Variants in RCAN2 observed in about 807,000 individuals in gnomAD.
RCAN2 encodes the protein calcipressin-2.
In RCAN2, 9 loss-of-function variants were observed where a neutral mutation model predicts 23.6. The ratio of observed to expected loss-of-function variants is 0.38; its 90% CI spans 0.23 to 0.67. The LOEUF is 0.67. Ranked by LOEUF, RCAN2 falls within the 30% of genes least tolerant of loss-of-function variation. The probability of loss-of-function intolerance (pLI) is 0.51; values close to 1 mark genes in which losing one functional copy is unlikely to be tolerated. For synonymous variants in RCAN2, 109 were observed against 115.7 expected, an observed-to-expected ratio of 0.94 and a Z score of 0.37; for missense variants, 273 against 302.3, an observed-to-expected ratio of 0.90 and a Z score of 0.72.
chr6:46,252,498 T>C (rs919488565), intron 2 of RCAN2, among the ~76,000 whole-genome samples: 1 of 152,232 alleles, frequency 6.6e-6, no homozygotes, highest in East Asian at 1.9e-4. Context: ...TTAATAATTA[T>C]TGAGGATCCT....
intron 2 of RCAN2, among the ~76,000 whole-genome samples, chr6:46,431,204 A>T (rs377700690): frequency 0.027 from 3,895 of 144,514 alleles, 80 homozygotes; most frequent in South Asian, 0.12. Context: ...TGTATTTTTA[A>T]AAAAAAAAAC....
chr6:46,482,549 G>T (rs1427257084), intron 1 of RCAN2, among the ~76,000 whole-genome samples: 1 of 152,182 alleles, frequency 6.6e-6, no homozygotes, highest in African/African-American at 2.4e-5. Context: ...CACCAGTTAG[G>T]TAAAGGTCTC....
At chr6:46,360,438 G>T (rs570707688) in intron 2 of RCAN2, among the ~76,000 whole-genome samples, 1 of 150,018 alleles carries the variant, frequency 6.7e-6, no homozygotes, top group Non-Finnish European at 1.5e-5. Flanking sequence ...GGAGGCTGAG[G>T]CAGGAGAATG....
chr6:46,251,335 GAGAGT>G (rs1766707161), intron 2 of RCAN2, among the ~76,000 whole-genome samples: 1 of 152,210 alleles, frequency 6.6e-6, no homozygotes, highest in Non-Finnish European at 1.5e-5. Flanking sequence ...TCCTCACAAT[GAGAGT>G]ACTCTGAACT....
chr6:46,332,894 A>G (rs928468698), intron 2 of RCAN2, among the ~76,000 whole-genome samples: 3 of 152,226 alleles, frequency 2.0e-5, no homozygotes, highest in Admixed American at 6.5e-5. Flanking sequence ...ACTGACTTCC[A>G]CAATGATTGA....
chr6:46,462,502 G>T (rs1372908217), intron 1 of RCAN2, among the ~76,000 whole-genome samples: 1 of 152,110 alleles, frequency 6.6e-6, no homozygotes, highest in Non-Finnish European at 1.5e-5. Flanking sequence ...AACATTAAAA[G>T]ACCTAAAGTA....
chr6:46,443,204 TA>T (rs1483698510), intron 2 of RCAN2, among the ~76,000 whole-genome samples: 12 of 152,226 alleles, frequency 7.9e-5, no homozygotes, highest in Admixed American at 6.5e-4. Flanking sequence ...ATGTCTAATT[TA>T]ACTGTTACCT....
intron 2 of RCAN2, among the ~76,000 whole-genome samples, chr6:46,291,206 C>T (rs1017113251): frequency 6.6e-6 from 1 of 151,410 alleles, no homozygotes; most frequent in East Asian, 1.9e-4. Flanking sequence ...ATCTTAAAAA[C>T]TCAACCACAG....
chr6:46,458,919 T>G (rs984065944), intron 1 of RCAN2, among the ~76,000 whole-genome samples: 4 of 152,008 alleles, frequency 2.6e-5, no homozygotes, highest in African/African-American at 9.7e-5. Context: ...GTGATGGAGT[T>G]TTGCTCTTGT....
chr6:46,229,339 C>A (rs990227228), intron 4 of RCAN2, among the ~76,000 whole-genome samples: 2 of 152,206 alleles, frequency 1.3e-5, no homozygotes, highest in Non-Finnish European at 2.9e-5. Flanking sequence ...TGGGGAAGTT[C>A]TCCTGGCTGA....
chr6:46,358,274 C>T (rs1764901166), intron 2 of RCAN2, among the ~76,000 whole-genome samples: 1 of 152,132 alleles, frequency 6.6e-6, no homozygotes, highest in African/African-American at 2.4e-5. Flanking sequence ...ATGAAAAATA[C>T]ACTCCAGTAA....
At chr6:46,480,914 GC>G (rs1561922825) in intron 1 of RCAN2, among the ~76,000 whole-genome samples, 2 of 152,208 alleles carry the variant, frequency 1.3e-5, no homozygotes, top group Non-Finnish European at 2.9e-5. Context: ...GAGCCACTGC[GC>G]CCGGCCACTT....
intron 2 of RCAN2, among the ~76,000 whole-genome samples, chr6:46,426,514 ATAG>A (rs760930161): frequency 6.6e-6 from 1 of 152,204 alleles, no homozygotes; most frequent in South Asian, 2.1e-4. Context: ...GCATGGGAAA[ATAG>A]TAGGCAGCTG....
At chr6:46,352,445 G>C (rs1764685031) in intron 2 of RCAN2, among the ~76,000 whole-genome samples, 2 of 152,212 alleles carry the variant, frequency 1.3e-5, no homozygotes, top group African/African-American at 2.4e-5. Context: ...TGGGGCCTGA[G>C]ACCAGAGCAG....
chr6:46,489,861 C>G (rs1012327484), intron 1 of RCAN2, among the ~76,000 whole-genome samples: 1 of 152,226 alleles, frequency 6.6e-6, no homozygotes. Context: ...TAATTGAACT[C>G]AATGGCTGAT....
chr6:46,299,475 T>C (rs1762834747), intron 2 of RCAN2, among the ~76,000 whole-genome samples: 1 of 152,056 alleles, frequency 6.6e-6, no homozygotes, highest in Non-Finnish European at 1.5e-5. Context: ...ACTCTGTATC[T>C]ACATGGGATT....
intron 2 of RCAN2, among the ~76,000 whole-genome samples, chr6:46,375,467 A>G (rs747410025): frequency 8.5e-5 from 13 of 152,150 alleles, no homozygotes; most frequent in Non-Finnish European, 1.5e-4. Context: ...GAATTCTTCA[A>G]TGGCAACTCT....
intron 2 of RCAN2, among the ~76,000 whole-genome samples, chr6:46,423,338 T>C (rs775074455): frequency 3.9e-4 from 60 of 152,332 alleles, no homozygotes; most frequent in Non-Finnish European, 6.6e-4. Flanking sequence ...GGACTCTAGA[T>C]GGCCAATCCT....
chr6:46,243,290 T>A (rs1370524902), intron 4 of RCAN2, among the ~76,000 whole-genome samples: 1 of 152,062 alleles, frequency 6.6e-6, no homozygotes. Context: ...GATAAATGGA[T>A]AACCAAATAA....
Sources: gnomAD v4.1 joint callset for allele counts (sites outside exome capture counted in the v4.1 genomes callset) on GRCh38, gnomAD v4.1.1 for gene constraint, MANE v1.5 for transcripts, NCBI Gene and HGNC (gene_info 2026-07-23, HGNC 2026-07-21) for gene names.